DOK6: variants seen among roughly 807,000 people sequenced by gnomAD.
DOK6 encodes the protein downstream of tyrosine kinase 6.
In DOK6, 22 loss-of-function variants were observed where a neutral mutation model predicts 44.0. The observed-to-expected ratio is 0.50, with a 90% CI of 0.36 to 0.71. The LOEUF is 0.71. Ranked by LOEUF, DOK6 falls within the 30% of genes least tolerant of loss-of-function variation. The pLI is 0.00. For synonymous variants in DOK6, 166 were observed against 145.5 expected (o/e 1.14, Z -1.01); for missense variants, 340 against 416.4 (o/e 0.82, Z 1.60).
At chr18:69,765,557 T>C (rs970283410) in intron 7 of DOK6, among the ~76,000 whole-genome samples, 6 of 152,198 alleles carry the variant, frequency 3.9e-5, no homozygotes, top group African/African-American at 7.2e-5. Flanking sequence ...CGTGCTCCCA[T>C]AGACATTTGT....
intron 7 of DOK6, among the ~76,000 whole-genome samples, chr18:69,790,288 G>GAA: frequency 6.6e-6 from 1 of 151,876 alleles, no homozygotes; most frequent in South Asian, 2.1e-4. Context: ...CAAGGGGAGG[G>GAA]ATAACATTAG....
At chr18:69,438,097 G>T (rs968561364) in intron 1 of DOK6, among the ~76,000 whole-genome samples, 1 of 152,142 alleles carries the variant, frequency 6.6e-6, no homozygotes, top group Non-Finnish European at 1.5e-5. Context: ...GAAAGTTGGG[G>T]TGGGTGTGGC....
intron 1 of DOK6, among the ~76,000 whole-genome samples, chr18:69,482,877 A>T (rs1980469584): frequency 6.6e-6 from 1 of 151,954 alleles, no homozygotes; most frequent in South Asian, 2.1e-4. Context: ...AAAATTATTT[A>T]TTATTCTTTT....
chr18:69,466,216 T>C (rs12607448), intron 1 of DOK6, among the ~76,000 whole-genome samples: 65,085 of 151,980 alleles, frequency 0.43, 14,373 homozygotes, highest in South Asian at 0.61. Context: ...ACGCTGAGCA[T>C]TTATGAGTTT....
intron 7 of DOK6, among the ~76,000 whole-genome samples, chr18:69,782,166 G>C (rs1027874574): frequency 4.0e-5 from 6 of 150,726 alleles, no homozygotes; most frequent in Non-Finnish European, 8.9e-5. Flanking sequence ...AGTGACCAGA[G>C]TTTTTTAAAT....
At chr18:69,440,968 A>G (rs1454668462) in intron 1 of DOK6, among the ~76,000 whole-genome samples, 1 of 152,280 alleles carries the variant, frequency 6.6e-6, no homozygotes, top group South Asian at 2.1e-4. Context: ...TTGATTTTCA[A>G]TAGGCTAACT....
At chr18:69,530,776 A>G (rs1981962902) in intron 1 of DOK6, among the ~76,000 whole-genome samples, 1 of 152,164 alleles carries the variant, frequency 6.6e-6, no homozygotes, top group African/African-American at 2.4e-5. Flanking sequence ...GATGTCTATT[A>G]GGTCTGCTTG....
intron 3 of DOK6, among the ~76,000 whole-genome samples, chr18:69,607,014 CA>C (rs1984014981): frequency 6.6e-6 from 1 of 152,136 alleles, no homozygotes; most frequent in African/African-American, 2.4e-5. Context: ...CAGCACATGA[CA>C]AAAGATTCCT....
At chr18:69,554,613 C>T (rs1982643400) in intron 1 of DOK6, among the ~76,000 whole-genome samples, 1 of 152,080 alleles carries the variant, frequency 6.6e-6, no homozygotes, top group Non-Finnish European at 1.5e-5. Context: ...GGCCATTCTT[C>T]TTGTGCAATG....
At position 69,564,714 on chromosome 18, in the gene DOK6, T is replaced by C. The variant is rs564806468; in HGVS notation, c.174+120T>C. ...ATTAATGGCTTGGGAAAAATGCCCT[T>C]TTCTGATAAAATGCAGAAGTTATTT... is the stretch of plus-strand genomic sequence containing the variant. On this transcript the variant is annotated intron_variant, in intron 2 of 7. Transcript: ENST00000382713. 2.5e-5 allele frequency: 19 copies of C among 745,614 alleles called. No homozygotes were observed. In the Middle Eastern group the frequency reaches 7.2e-4, roughly 28 times the overall value. The allele number at this position is 745,614 out of a possible 1,614,324, so 46.2% of individuals were successfully genotyped here.
At chr18:69,756,799 G>A (rs1396441304) in intron 6 of DOK6, among the ~76,000 whole-genome samples, 1 of 152,192 alleles carries the variant, frequency 6.6e-6, no homozygotes, top group Non-Finnish European at 1.5e-5. Context: ...GCAAAGCCTA[G>A]ATTTGACAGA....
chr18:69,448,250 A>G (rs1426831881), intron 1 of DOK6, among the ~76,000 whole-genome samples: 2 of 152,162 alleles, frequency 1.3e-5, no homozygotes. Context: ...AATTCTGAAA[A>G]AGTTGACTCT....
intron 5 of DOK6, among the ~76,000 whole-genome samples, chr18:69,699,336 T>A (rs1986460212): frequency 6.6e-6 from 1 of 152,214 alleles, no homozygotes. Context: ...TAGTGAAGTT[T>A]TATTGCATTT....
intron 1 of DOK6, among the ~76,000 whole-genome samples, chr18:69,405,043 C>T (rs1029033386): frequency 1.3e-5 from 2 of 152,136 alleles, no homozygotes; most frequent in African/African-American, 4.8e-5. Flanking sequence ...GGACAGATTG[C>T]GAGTTTTGAA....
At chr18:69,565,292 T>C (rs1982942226) in intron 2 of DOK6, among the ~76,000 whole-genome samples, 2 of 152,142 alleles carry the variant, frequency 1.3e-5, no homozygotes, top group African/African-American at 4.8e-5. Flanking sequence ...ATGGAGTAAG[T>C]TTTCCTGGAT....
At chr18:69,521,715 G>C (rs777904265) in intron 1 of DOK6, among the ~76,000 whole-genome samples, 1 of 151,826 alleles carries the variant, frequency 6.6e-6, no homozygotes, top group Non-Finnish European at 1.5e-5. Context: ...GAGTACAAAG[G>C]TACAATTAGG....
At chr18:69,620,932 G>A (rs189361152) in intron 3 of DOK6, among the ~76,000 whole-genome samples, 1 of 152,214 alleles carries the variant, frequency 6.6e-6, no homozygotes, top group East Asian at 1.9e-4. Context: ...TTTTCATGTT[G>A]CTTTGAAACC....
chr18:69,423,698 GA>G (rs1978559307), intron 1 of DOK6, among the ~76,000 whole-genome samples: 1 of 152,188 alleles, frequency 6.6e-6, no homozygotes, highest in Non-Finnish European at 1.5e-5. Context: ...TAGAACCAAT[GA>G]AATGAAAACT....
chr18:69,505,093 C>G (rs892109585), intron 1 of DOK6, among the ~76,000 whole-genome samples: 1 of 152,118 alleles, frequency 6.6e-6, no homozygotes, highest in Non-Finnish European at 1.5e-5. Flanking sequence ...TTTTCTAGTT[C>G]CCACAGTCCA....
Sources: gnomAD v4.1 joint callset for allele counts (sites outside exome capture counted in the v4.1 genomes callset) on GRCh38, gnomAD v4.1.1 for gene constraint, MANE v1.5 for transcripts, NCBI Gene and HGNC (gene_info 2026-07-23, HGNC 2026-07-21) for gene names.